ITGB6: variants seen among roughly 807,000 people sequenced by gnomAD.
The protein encoded by ITGB6 is integrin subunit beta 6.
Under a neutral mutation model 84.5 loss-of-function variants are expected in ITGB6, and 80 were observed. The ratio of observed to expected loss-of-function variants is 0.95; its 90% confidence interval spans 0.79 to 1.14. ITGB6 has a LOEUF of 1.14. Among genes scored for constraint, ITGB6 ranks in the 50% most tolerant of loss-of-function variants. ITGB6 has a pLI of 0.00. For missense variants in ITGB6, 1,006 were observed against 968.0 expected, an observed-to-expected ratio of 1.04 and a Z score of -0.52; for synonymous variants, 383 against 354.9, an observed-to-expected ratio of 1.08 and a Z score of -0.89.
intron 8 of ITGB6, 55 bp from the exon 9 acceptor site, chr2:160,138,254 G>C: frequency 1.3e-6 from 2 of 1,491,572 alleles, no homozygotes; most frequent in Non-Finnish European, 9.0e-7. Flanking sequence ...AATATAGCCA[G>C]AAGAAGAAAC....
chr2:160,151,621 A>T (rs1158969333), intron 7 of ITGB6, among the ~76,000 whole-genome samples: 1 of 152,236 alleles, frequency 6.6e-6, no homozygotes, highest in East Asian at 1.9e-4. Context: ...GAGATAAGAG[A>T]CACAAAAAAC....
At chr2:160,142,126 A>G (rs1387820790) in intron 7 of ITGB6, 55 bp from the exon 8 acceptor site, 2 of 1,210,376 alleles carry the variant, frequency 1.7e-6, no homozygotes, top group Admixed American at 4.0e-5. Context: ...AATTGAGAAA[A>G]GTGTGGGTTT....
intron 13 of ITGB6, among the ~76,000 whole-genome samples, chr2:160,108,214 AGTGTGTGTGTGTGT>A (rs57363305): frequency 9.8e-5 from 14 of 142,770 alleles, no homozygotes; most frequent in East Asian, 4.1e-4. Flanking sequence ...GCAGAAATGG[AGTGTGTGTGTGTGT>A]GTGTGTGTGT....
intron 14 of ITGB6, among the ~76,000 whole-genome samples, chr2:160,104,912 T>C (rs1037689182): frequency 1.3e-5 from 2 of 152,190 alleles, no homozygotes; most frequent in African/African-American, 2.4e-5. Context: ...TGTCACTTTA[T>C]GAGTCCAGTG....
chr2:160,174,995 C>T (rs1043322441), intron 4 of ITGB6, among the ~76,000 whole-genome samples: 8 of 152,232 alleles, frequency 5.3e-5, no homozygotes, highest in African/African-American at 1.9e-4. Flanking sequence ...TGGGGGTAGG[C>T]TCACTGGCGT....
At chr2:160,131,220 A>G (rs73968047) in intron 10 of ITGB6, among the ~76,000 whole-genome samples, 5,821 of 152,246 alleles carry the variant, frequency 0.038, 310 homozygotes, top group African/African-American at 0.13. Flanking sequence ...GCATAATGGC[A>G]GGAAGTGTTT....
intron 13 of ITGB6, 77 bp downstream of exon 13, chr2:160,112,003 C>A (rs1320264659): frequency 6.9e-6 from 10 of 1,446,718 alleles, no homozygotes; most frequent in African/African-American, 2.9e-5. Context: ...GCATGCTACC[C>A]AGAGCGATTT....
At chr2:160,192,792 T>G (rs934472240) in intron 4 of ITGB6, among the ~76,000 whole-genome samples, 2 of 151,958 alleles carry the variant, frequency 1.3e-5, no homozygotes, top group African/African-American at 4.8e-5. Context: ...CACACAATAT[T>G]GGAAAGACAG....
rs59619905 is a variant in ITGB6, at chr2:160,173,442, T to C, written c.759+532A>G. Among the ~76,000 whole-genome samples, 1,215 of 152,296 alleles carry C rather than the reference T, an allele frequency of 8.0e-3. 20 individuals carry two copies. The highest frequency in any genetic ancestry group is 0.028 in the African/African-American group (1,171 of 41,568). On this transcript the variant is annotated intron_variant, in intron 5 of 14. Transcript: ENST00000283249. The stretch of plus-strand genomic sequence containing the variant: ...AGCTTCAGCCCTGTTTATTTCCTGA[T>C]ATTTTTCATGAAGGGCTGTTGCCTA...
chr2:160,167,845 A>G (rs1685059835), intron 7 of ITGB6, among the ~76,000 whole-genome samples: 1 of 152,208 alleles, frequency 6.6e-6, no homozygotes, highest in Non-Finnish European at 1.5e-5. Context: ...TCCCCTTTGA[A>G]GAAAAGTTCT....
chr2:160,172,657 A>G lies in ITGB6; in HGVS notation c.833T>C (p.Met278Thr). Residue 278 changes from methionine (M) to threonine (T), a missense_variant, in exon 6 of 15, where the codon ATG becomes ACG. Met to Thr is a moderately conservative substitution (Grantham distance 81). Coordinates refer to ENST00000283249, the MANE Select transcript of ITGB6 (RefSeq NM_000888.5). The stretch of plus-strand genomic sequence containing the variant: ...GACGATGCCTGCTAGTTTGCTGTCC[A>G]TTCCAAAATGAGAATCAGCATCACT... ...FVSDADSHFG[M>T]DSKLAGIVIP... 1 of 1,611,916 alleles carries G rather than the reference A, an allele frequency of 6.2e-7. No homozygotes were observed. The highest frequency in any genetic ancestry group is 8.5e-7 in the Non-Finnish European group (1 of 1,178,124).
chr2:160,115,882 T>C (rs1434592067), intron 12 of ITGB6, among the ~76,000 whole-genome samples: 1 of 151,944 alleles, frequency 6.6e-6, no homozygotes, highest in Non-Finnish European at 1.5e-5. Context: ...CCTCAGGAAC[T>C]GATGCGATCA....
chr2:160,103,921 A>G (rs1415191762), intron 14 of ITGB6, among the ~76,000 whole-genome samples: 2 of 152,188 alleles, frequency 1.3e-5, no homozygotes, highest in Admixed American at 6.5e-5. Flanking sequence ...AACATACTAC[A>G]ATACACCCAT....
In ITGB6 at chr2:160,112,164, G is replaced by T. The variant is rs1188718105; in HGVS notation, c.2017C>A (p.Gln673Lys). The part of the protein sequence containing the change: ...SKDGSVSCSL[Q>K]GENECLITFL... ...GTAATAAGACATTCATTTTCTCCTT[G>T]CAGAGAGCAGGAAACAGAACCATCC... The change falls in exon 13 of 15, where the codon CAA becomes AAA. Residue 673 changes from glutamine (Q) to lysine (K), a missense_variant. Transcript: ENST00000283249. 1.2e-6 allele frequency: 2 copies of T among 1,612,128 alleles called. No individual in the cohort carries two copies. Among genetic ancestry groups the T allele is most frequent in the African/African-American group, 1.3e-5 (1 of 74,968 alleles).
intron 7 of ITGB6, among the ~76,000 whole-genome samples, chr2:160,164,557 A>G (rs1022405001): frequency 1.3e-5 from 2 of 152,086 alleles, no homozygotes; most frequent in Non-Finnish European, 2.9e-5. Flanking sequence ...TTAGCTGGGC[A>G]TGGTGGCGCA....
intron 14 of ITGB6, 141 bp from the exon 15 acceptor site, chr2:160,101,975 T>C: frequency 1.6e-6 from 1 of 608,310 alleles, no homozygotes. Context: ...TGGCATTTCA[T>C]ATGTTTAGTG....
intron 7 of ITGB6, among the ~76,000 whole-genome samples, chr2:160,153,784 A>G (rs2105842333): frequency 6.6e-6 from 1 of 152,362 alleles, no homozygotes; most frequent in Non-Finnish European, 1.5e-5. Context: ...ATATGAACAG[A>G]CACTTCTCAA....
At chr2:160,165,872 T>A (rs1429969264) in intron 7 of ITGB6, among the ~76,000 whole-genome samples, 1 of 152,202 alleles carries the variant, frequency 6.6e-6, no homozygotes, top group Non-Finnish European at 1.5e-5. Flanking sequence ...GTTCTGGCAA[T>A]GGTCAGGTGC....
chr2:160,172,037 C>G (rs192119046), intron 6 of ITGB6, among the ~76,000 whole-genome samples: 2 of 152,314 alleles, frequency 1.3e-5, no homozygotes, highest in Non-Finnish European at 2.9e-5. Flanking sequence ...GTCCAAAGAG[C>G]TCTGAAATTT....
Sources: allele counts gnomAD v4.1 joint callset (sites outside exome capture counted in the v4.1 genomes callset), GRCh38; gene constraint gnomAD v4.1.1; transcripts MANE v1.5; gene names NCBI Gene and HGNC (gene_info 2026-07-23, HGNC 2026-07-21).